The following PTAR1 variants were observed in gnomAD, a reference collection of about 807,000 sequenced individuals.
PTAR1 encodes protein prenyltransferase alpha subunit repeat-containing protein 1.
Under a neutral mutation model 45.5 loss-of-function variants are expected in PTAR1, and 17 were observed. The ratio of observed to expected loss-of-function variants is 0.37; its 90% CI spans 0.26 to 0.56. The LOEUF is 0.56. Among genes scored for constraint, PTAR1 ranks in the 20% least tolerant of loss-of-function variants. The pLI, the probability that PTAR1 is intolerant of heterozygous loss-of-function variation, is 0.77. For synonymous variants in PTAR1, 169 were observed against 171.3 expected (o/e 0.99, Z 0.11); for missense variants, 391 against 476.3 (o/e 0.82, Z 1.67).
chr9:69,724,177 A>G (rs1588447535), intron 5 of PTAR1, among the ~76,000 whole-genome samples: 1 of 152,196 alleles, frequency 6.6e-6, no homozygotes, highest in East Asian at 1.9e-4. Flanking sequence ...GGATTAGTAG[A>G]AAAACATGAT....
chr9:69,744,220 T>C (rs988996504), intron 2 of PTAR1, among the ~76,000 whole-genome samples: 6 of 152,140 alleles, frequency 3.9e-5, no homozygotes, highest in Non-Finnish European at 1.5e-5. Flanking sequence ...CACTGTCCTA[T>C]GAACACACGT....
At chr9:69,747,809 T>C (rs1373767978) in intron 2 of PTAR1, among the ~76,000 whole-genome samples, 2 of 152,154 alleles carry the variant, frequency 1.3e-5, no homozygotes, top group African/African-American at 2.4e-5. Flanking sequence ...AAAATGTATC[T>C]AGATTAGCTT....
chr9:69,754,727 T>A (rs1358420803), intron 1 of PTAR1, among the ~76,000 whole-genome samples: 222 of 149,532 alleles, frequency 1.5e-3, no homozygotes, highest in Middle Eastern at 3.4e-3. Context: ...TATATATTTT[T>A]TTTTTTTGGT....
At chr9:69,729,234 C>T (rs907380677) in intron 5 of PTAR1, among the ~76,000 whole-genome samples, 6 of 152,038 alleles carry the variant, frequency 3.9e-5, no homozygotes, top group Admixed American at 6.6e-5. Context: ...GCAGGAGAAT[C>T]GCTTGAACCT....
chr9:69,740,873 A>G (rs1415737197), intron 3 of PTAR1, among the ~76,000 whole-genome samples: 1 of 152,214 alleles, frequency 6.6e-6, no homozygotes, highest in Non-Finnish European at 1.5e-5. Flanking sequence ...AATATATTTA[A>G]TTCAATATAT....
intron 2 of PTAR1, among the ~76,000 whole-genome samples, chr9:69,749,550 C>T (rs1414789322): frequency 3.9e-5 from 6 of 152,074 alleles, no homozygotes; most frequent in Admixed American, 3.9e-4. Context: ...TATGGCTAAA[C>T]TTAGGCACAG....
At chr9:69,722,805 G>C (rs1279825341) in intron 6 of PTAR1, among the ~76,000 whole-genome samples, 2 of 151,944 alleles carry the variant, frequency 1.3e-5, no homozygotes, top group South Asian at 2.1e-4. Flanking sequence ...CCGGTGTGGT[G>C]GTGGGTGCCT....
At position 69,759,006 on chromosome 9, in the gene PTAR1, ATC is replaced by A. The variant is rs56932168; in HGVS notation, c.86+845_86+846del. 1.1e-3 allele frequency among the ~76,000 whole-genome samples: 163 copies of A among 151,380 alleles called. 1 individual carries two copies. The highest frequency in any genetic ancestry group is 1.9e-3 in the Non-Finnish European group (128 of 67,800). On this transcript the variant is annotated intron_variant, in intron 1 of 7. Coordinates refer to ENST00000340434, the MANE Select transcript of PTAR1 (RefSeq NM_001099666.2). ...TTCCCTACACCTTTGTATAATGTAG[ATC>A]TCTCTCTCTCTCTCAATAGCTTTCT...
At chr9:69,726,502 G>C (rs1009545924) in intron 5 of PTAR1, among the ~76,000 whole-genome samples, 4 of 151,922 alleles carry the variant, frequency 2.6e-5, no homozygotes, top group Non-Finnish European at 5.9e-5. Context: ...AAATATACTT[G>C]CTGGAACAAA....
At chr9:69,747,355 C>T (rs369471226) in intron 2 of PTAR1, among the ~76,000 whole-genome samples, 5 of 152,140 alleles carry the variant, frequency 3.3e-5, no homozygotes, top group Non-Finnish European at 5.9e-5. Context: ...TGTGTATGCA[C>T]GTGCATGTGC....
At chr9:69,735,246 C>T (rs1349375768) in intron 3 of PTAR1, among the ~76,000 whole-genome samples, 1 of 152,136 alleles carries the variant, frequency 6.6e-6, no homozygotes, top group African/African-American at 2.4e-5. Context: ...CTTGTGGGGG[C>T]TTGGTTCAGG....
rs568829894 is a variant in PTAR1, at chr9:69,759,999, T to C, written c.-61A>G. On this transcript the variant is annotated 5_prime_UTR_variant, in exon 1 of 8. Transcript: ENST00000340434. ...GCGTGAGCCGGGCCGCCGGCGGGAG[T>C]TCCGCGGAGAACGAGCGCGCGCGCG... 1,229 of 1,343,958 alleles carry C rather than the reference T, an allele frequency of 9.1e-4. 4 individuals carry two copies. The Middle Eastern group carries it at 9.5e-3, about 10-fold the overall frequency. 83.3% of individuals were successfully genotyped at this position (1,343,958 alleles called of 1,614,324 possible).
chr9:69,758,784 TA>T (rs1243951246), intron 1 of PTAR1: 3,294 of 187,622 alleles, frequency 0.018, 10 homozygotes, highest in South Asian at 0.036. Context: ...TTAGAATACT[TA>T]AAAAAAAAAA....
intron 3 of PTAR1, among the ~76,000 whole-genome samples, chr9:69,735,058 A>C (rs1471568805): frequency 6.6e-6 from 1 of 152,236 alleles, no homozygotes; most frequent in Non-Finnish European, 1.5e-5. Context: ...ACTTTGGATA[A>C]GTTTCCAAAA....
chr9:69,719,804 C>T (rs780855422), intron 6 of PTAR1, among the ~76,000 whole-genome samples: 49 of 152,102 alleles, frequency 3.2e-4, no homozygotes, highest in Non-Finnish European at 6.2e-4. Context: ...ACTAATATTT[C>T]AAACTTTTTC....
rs1474508940 is a variant in PTAR1 at position 69,712,878 on chromosome 9, C to A, written c.*5464G>T. ...ACTAGAGCCATAGGGACCAAAGCAG[C>A]AAGATAAACAATGAGGCAGTCACAG... On this transcript the variant is annotated 3_prime_UTR_variant, in exon 8 of 8. Transcript: ENST00000340434. 6.6e-6 allele frequency: 1 copy of A among 152,018 alleles called. No homozygotes were observed. Among genetic ancestry groups the A allele is most frequent in the Non-Finnish European group, 1.5e-5 (1 of 67,984 alleles). The allele number at this position is 152,018 out of a possible 1,614,324, so 9.4% of individuals were successfully genotyped here. A position where few individuals can be genotyped will look rare whatever the true frequency, so the allele number is the denominator to read the frequency against.
rs2134064403 is a variant in PTAR1 at position 69,715,544 on chromosome 9, G to A, written c.*2798C>T. ...GCTTAATGCTTTTTGCTTGTCAGTA[G>A]TATTCTTAATCCACAGTAGGATGAC... On this transcript the variant is annotated 3_prime_UTR_variant, in exon 8 of 8. Transcript: ENST00000340434. The A allele has an allele frequency of 6.6e-6, 1 of 152,234 alleles. No homozygotes were observed. Among genetic ancestry groups the A allele is most frequent in the Admixed American group, 6.6e-5 (1 of 15,262 alleles). The allele number at this position is 152,234 out of a possible 1,614,324, so 9.4% of individuals were successfully genotyped here.
In PTAR1 at chr9:69,715,726, A is replaced by G. The variant is rs1372942084; in HGVS notation, c.*2616T>C. ...CATAAGCTCAGTCAAAGACATTATCATGCTACAGCTAGCGGGTTTAAATAT... is the reference window on the plus strand; with the variant it reads ...CATAAGCTCAGTCAAAGACATTATCGTGCTACAGCTAGCGGGTTTAAATAT... On this transcript the variant is annotated 3_prime_UTR_variant, in exon 8 of 8. Coordinates refer to ENST00000340434, the MANE Select transcript of PTAR1 (RefSeq NM_001099666.2). 1 of 152,180 alleles carries G rather than the reference A, an allele frequency of 6.6e-6. No individual in the cohort carries two copies. Among genetic ancestry groups the G allele is most frequent in the Non-Finnish European group, 1.5e-5 (1 of 68,016 alleles). 9.4% of individuals were successfully genotyped at this position (152,180 alleles called of 1,614,324 possible).
At chr9:69,753,227 G>T (rs982099527) in intron 1 of PTAR1, among the ~76,000 whole-genome samples, 1 of 151,832 alleles carries the variant, frequency 6.6e-6, no homozygotes, top group Non-Finnish European at 1.5e-5. Context: ...TAATAATTTG[G>T]TATCTAAACT....
Sources: allele counts gnomAD v4.1 joint callset (sites outside exome capture counted in the v4.1 genomes callset), GRCh38; gene constraint gnomAD v4.1.1; transcripts MANE v1.5; gene names NCBI Gene and HGNC (gene_info 2026-07-23, HGNC 2026-07-21).